GRIK2: variants seen among roughly 807,000 people sequenced by gnomAD.
The protein encoded by GRIK2 is glutamate ionotropic receptor kainate type subunit 2.
A neutral mutation model predicts 100.3 loss-of-function variants in GRIK2; 32 were observed. The observed-to-expected ratio is 0.32, with a 90% confidence interval of 0.24 to 0.43. The LOEUF is 0.43. GRIK2 is among the 20% of genes least tolerant of loss of function. GRIK2 has a pLI of 1.00. For synonymous variants in GRIK2, 417 were observed against 389.4 expected, an observed-to-expected ratio of 1.07 and a Z score of -0.83; for missense variants, 843 against 1,114.9, an observed-to-expected ratio of 0.76 and a Z score of 3.47.
chr6:101,563,533 T>C (rs532121656), intron 2 of GRIK2, among the ~76,000 whole-genome samples: 65 of 152,300 alleles, frequency 4.3e-4, no homozygotes, highest in Non-Finnish European at 7.8e-4. Context: ...GAAAAATCAG[T>C]GATTTTTGCA....
In GRIK2 at chr6:101,694,568, CTTA is replaced by C. The variant is rs1306914283; in HGVS notation, c.951+8221_951+8223del. On this transcript the variant is annotated intron_variant, in intron 7 of 16. Transcript: ENST00000369134. ...GAATTGAGGCCTACAAATAAGAAAT[CTTA>C]TTATTCAAATATTCATAATATCCTA... Among the ~76,000 whole-genome samples the C allele has an allele frequency of 2.0e-5, 3 of 151,990 alleles. No individual in the cohort carries two copies. The East Asian group carries it at 5.8e-4, about 29-fold the overall frequency.
chr6:101,669,451 A>G (rs572648749), intron 4 of GRIK2, among the ~76,000 whole-genome samples: 2 of 152,262 alleles, frequency 1.3e-5, no homozygotes, highest in Non-Finnish European at 2.9e-5. Flanking sequence ...AATTATTTTG[A>G]GAGACTTATT....
intron 14 of GRIK2, among the ~76,000 whole-genome samples, chr6:102,024,473 A>G (rs1018894509): frequency 6.6e-6 from 1 of 151,304 alleles, no homozygotes; most frequent in African/African-American, 2.4e-5. Context: ...ATCACTGAGG[A>G]GAAGCAAACA....
intron 10 of GRIK2, among the ~76,000 whole-genome samples, chr6:101,857,644 A>T (rs1275576123): frequency 6.6e-6 from 1 of 152,214 alleles, no homozygotes; most frequent in African/African-American, 2.4e-5. Flanking sequence ...GCTTCCTCTA[A>T]GATAACAGGG....
At chr6:101,654,865 T>C (rs1390563274) in intron 4 of GRIK2, among the ~76,000 whole-genome samples, 2 of 152,160 alleles carry the variant, frequency 1.3e-5, no homozygotes, top group African/African-American at 4.8e-5. Context: ...ACTCTTCATC[T>C]TGCATGTACT....
chr6:101,963,993 G>A (rs991993961), intron 14 of GRIK2, among the ~76,000 whole-genome samples: 3 of 151,860 alleles, frequency 2.0e-5, no homozygotes, highest in Admixed American at 1.3e-4. Context: ...GGAGCTAATG[G>A]GAAGGAGGGT....
At chr6:101,597,511 T>C (rs1359684072) in intron 2 of GRIK2, among the ~76,000 whole-genome samples, 1 of 151,818 alleles carries the variant, frequency 6.6e-6, no homozygotes, top group Non-Finnish European at 1.5e-5. Context: ...TAGTAGTTAA[T>C]ACTGAATCAG....
At chr6:101,978,673 A>T (rs2128488521) in intron 14 of GRIK2, among the ~76,000 whole-genome samples, 1 of 152,116 alleles carries the variant, frequency 6.6e-6, no homozygotes, top group East Asian at 1.9e-4. Flanking sequence ...CAACCATAGA[A>T]ATATTATGAA....
At chr6:101,861,783 G>C (rs1477397638) in intron 11 of GRIK2, among the ~76,000 whole-genome samples, 1 of 152,192 alleles carries the variant, frequency 6.6e-6, no homozygotes, top group South Asian at 2.1e-4. Flanking sequence ...CAAAGCTCTT[G>C]ACCCCTAAAG....
chr6:101,825,446 A>G (rs553263204), intron 10 of GRIK2, among the ~76,000 whole-genome samples: 48 of 152,150 alleles, frequency 3.2e-4, no homozygotes, highest in Non-Finnish European at 6.3e-4. Context: ...GAAAGTCATG[A>G]GTTTTGATGT....
rs570875238 is a variant in GRIK2 at position 101,506,098 on chromosome 6, A to G, written c.115+106706A>G. 3.3e-5 allele frequency among the ~76,000 whole-genome samples: 5 copies of G among 152,262 alleles called. No individual in the cohort carries two copies. In the South Asian group the frequency reaches 1.0e-3, roughly 32 times the overall value. On this transcript the variant is annotated intron_variant, in intron 2 of 16. Coordinates refer to ENST00000369134, the MANE Select transcript of GRIK2 (RefSeq NM_021956.5). ...GCTTTCATTCAATGAAATATGTAGA[A>G]TAATTATTCTCATTTTACAGATGAG...
At chr6:101,677,161 G>A (rs1278038086) in intron 5 of GRIK2, among the ~76,000 whole-genome samples, 1 of 152,008 alleles carries the variant, frequency 6.6e-6, no homozygotes, top group Non-Finnish European at 1.5e-5. Flanking sequence ...TCAGCCAGTA[G>A]GAAAAAGATG....
chr6:102,045,070 A>G (rs1014474298), intron 15 of GRIK2, among the ~76,000 whole-genome samples: 7 of 152,018 alleles, frequency 4.6e-5, no homozygotes, highest in Non-Finnish European at 1.0e-4. Context: ...ATTTTTACCC[A>G]TACTGTCTCA....
intron 10 of GRIK2, among the ~76,000 whole-genome samples, chr6:101,823,834 G>A (rs941323964): frequency 6.0e-5 from 9 of 148,858 alleles, no homozygotes; most frequent in Non-Finnish European, 1.2e-4. Flanking sequence ...GGGGGAACAG[G>A]TGATGTTTGT....
At chr6:101,922,102 T>C (rs1433713455) in intron 12 of GRIK2, among the ~76,000 whole-genome samples, 2 of 21,998 alleles carry the variant, frequency 9.1e-5, no homozygotes, top group African/African-American at 4.3e-4. Flanking sequence ...CTTCCTTCCT[T>C]CCTTCCTTCC....
intron 2 of GRIK2, among the ~76,000 whole-genome samples, chr6:101,595,356 T>C (rs1364969177): frequency 6.6e-6 from 1 of 151,632 alleles, no homozygotes; most frequent in Admixed American, 6.6e-5. Flanking sequence ...TCTACTCTGC[T>C]TTGTAAAAGC....
intron 2 of GRIK2, among the ~76,000 whole-genome samples, chr6:101,569,961 T>C (rs1036850272): frequency 6.6e-6 from 1 of 152,140 alleles, no homozygotes. Context: ...CAGAGTAATC[T>C]TTGAACTTTG....
chr6:101,981,834 G>T (rs1288813017), intron 14 of GRIK2, among the ~76,000 whole-genome samples: 1 of 151,852 alleles, frequency 6.6e-6, no homozygotes, highest in Non-Finnish European at 1.5e-5. Flanking sequence ...TATATTTCAA[G>T]TTGAAGATGA....
chr6:101,770,076 T>A (rs1004843725), intron 7 of GRIK2, among the ~76,000 whole-genome samples: 1 of 152,228 alleles, frequency 6.6e-6, no homozygotes, highest in African/African-American at 2.4e-5. Flanking sequence ...CTTTACAGTG[T>A]TCTCTGGTTC....
Sources: gnomAD v4.1 joint callset for allele counts (sites outside exome capture counted in the v4.1 genomes callset) on GRCh38, gnomAD v4.1.1 for gene constraint, MANE v1.5 for transcripts, NCBI Gene and HGNC (gene_info 2026-07-23, HGNC 2026-07-21) for gene names.